The following EBF1 variants were observed in gnomAD, a reference collection of about 807,000 sequenced individuals.
EBF1 encodes the protein EBF transcription factor 1.
Under a neutral mutation model 68.4 loss-of-function variants are expected in EBF1, and 10 were observed. That is an observed-to-expected ratio of 0.15 (90% CI 0.09 to 0.25). The LOEUF (loss-of-function observed/expected upper bound fraction) is 0.25, where lower values mean the gene tolerates loss of function less well. EBF1 is among the 10% of genes least tolerant of loss of function. The pLI, the probability that EBF1 is intolerant of heterozygous loss-of-function variation, is 1.00. For missense variants in EBF1, 509 were observed against 794.4 expected, an observed-to-expected ratio of 0.64 and a Z score of 4.32; for synonymous variants, 298 against 299.8, an observed-to-expected ratio of 0.99 and a Z score of 0.06.
intron 14 of EBF1, among the ~76,000 whole-genome samples, chr5:158,708,442 G>A (rs1283947105): frequency 1.3e-5 from 2 of 152,180 alleles, no homozygotes; most frequent in Admixed American, 6.5e-5. Context: ...GTCATCAGCA[G>A]CAATTGTCAT....
chr5:159,004,516 C>G (rs1763174519), intron 6 of EBF1, among the ~76,000 whole-genome samples: 1 of 144,838 alleles, frequency 6.9e-6, no homozygotes, highest in South Asian at 2.5e-4. Context: ...AGTAGCAAAC[C>G]AAAAAGACAG....
chr5:158,954,098 T>C (rs1422789173), intron 6 of EBF1, among the ~76,000 whole-genome samples: 3 of 152,230 alleles, frequency 2.0e-5, no homozygotes, highest in Admixed American at 1.3e-4. Context: ...ATGCAAATAG[T>C]TAAACTTTTC....
chr5:158,743,018 T>C (rs1220514233), intron 10 of EBF1, among the ~76,000 whole-genome samples: 1 of 151,968 alleles, frequency 6.6e-6, no homozygotes, highest in East Asian at 1.9e-4. Flanking sequence ...GCCCTGTGAG[T>C]CCCCAGCTGG....
chr5:158,790,922 G>A (rs1159374223), intron 9 of EBF1, among the ~76,000 whole-genome samples: 1 of 152,166 alleles, frequency 6.6e-6, no homozygotes, highest in East Asian at 1.9e-4. Context: ...TATTGCAAGT[G>A]TGCTCTGAAA....
At chr5:158,931,550 T>C (rs1345193738) in intron 6 of EBF1, among the ~76,000 whole-genome samples, 1 of 152,218 alleles carries the variant, frequency 6.6e-6, no homozygotes, top group Non-Finnish European at 1.5e-5. Context: ...ATCAGTATCA[T>C]GGAGCAAATC....
chr5:158,817,915 G>C (rs944560002), intron 8 of EBF1, among the ~76,000 whole-genome samples: 4 of 152,190 alleles, frequency 2.6e-5, no homozygotes, highest in Non-Finnish European at 5.9e-5. Context: ...TTATCCCTTG[G>C]CTGGAGATCC....
intron 10 of EBF1, among the ~76,000 whole-genome samples, chr5:158,755,560 C>T (rs1376881946): frequency 2.0e-5 from 3 of 152,112 alleles, no homozygotes; most frequent in Admixed American, 2.0e-4. Context: ...TTAGGAAGTT[C>T]ATTTTATTTT....
At chr5:158,941,948 A>G (rs1813516433) in intron 6 of EBF1, among the ~76,000 whole-genome samples, 2 of 152,354 alleles carry the variant, frequency 1.3e-5, no homozygotes, top group South Asian at 4.1e-4. Context: ...AGTTGTGAAT[A>G]GTTTCCCAGC....
intron 6 of EBF1, among the ~76,000 whole-genome samples, chr5:158,852,039 G>GGAGGGGAGGA (rs1554163307): frequency 1.3e-4 from 3 of 22,484 alleles, no homozygotes; most frequent in African/African-American, 4.8e-4. Context: ...GAAAGGGTGG[G>GGAGGGGAGGA]GAGGGGAGGA....
intron 6 of EBF1, among the ~76,000 whole-genome samples, chr5:159,014,698 C>A (rs1434806153): frequency 2.0e-5 from 3 of 152,164 alleles, no homozygotes; most frequent in African/African-American, 7.2e-5. Flanking sequence ...ATTTCTCAAA[C>A]TTCCTTAAAG....
At chr5:158,837,442 C>G (rs2127952291) in intron 7 of EBF1, among the ~76,000 whole-genome samples, 1 of 152,278 alleles carries the variant, frequency 6.6e-6, no homozygotes, top group Middle Eastern at 3.4e-3. Flanking sequence ...ATATTGCTTT[C>G]TTTCATATGT....
At chr5:159,030,642 A>T (rs1463895227) in intron 6 of EBF1, among the ~76,000 whole-genome samples, 2 of 152,220 alleles carry the variant, frequency 1.3e-5, no homozygotes, top group African/African-American at 4.8e-5. Context: ...ATTGGCGATG[A>T]GCAAGTACTG....
At chr5:158,967,087 A>G (rs894906472) in intron 6 of EBF1, among the ~76,000 whole-genome samples, 17 of 150,848 alleles carry the variant, frequency 1.1e-4, no homozygotes, top group African/African-American at 4.2e-4. Context: ...AGGAAATAAG[A>G]GATTTGGGGG....
intron 9 of EBF1, among the ~76,000 whole-genome samples, chr5:158,778,388 A>G (rs542887876): frequency 7.2e-4 from 110 of 152,144 alleles, no homozygotes; most frequent in Admixed American, 1.3e-3. Flanking sequence ...TGGATTCTAC[A>G]TGTTCTCTTT....
intron 6 of EBF1, among the ~76,000 whole-genome samples, chr5:158,883,144 G>A (rs995499465): frequency 6.6e-6 from 1 of 151,994 alleles, no homozygotes; most frequent in Non-Finnish European, 1.5e-5. Flanking sequence ...TGTCACCAGA[G>A]AGAGGTACAT....
intron 6 of EBF1, among the ~76,000 whole-genome samples, chr5:159,051,023 G>C (rs950029775): frequency 1.3e-5 from 2 of 152,036 alleles, no homozygotes; most frequent in African/African-American, 4.8e-5. Flanking sequence ...GCAATTATAC[G>C]AATGTTAGGA....
At chr5:158,904,168 C>CA (rs1277199745) in intron 6 of EBF1, among the ~76,000 whole-genome samples, 1 of 152,166 alleles carries the variant, frequency 6.6e-6, no homozygotes, top group African/African-American at 2.4e-5. Context: ...AATCTGAGTT[C>CA]AAATTCTGCC....
chr5:158,736,895 G>A (rs1338896486), intron 10 of EBF1, among the ~76,000 whole-genome samples: 1 of 152,158 alleles, frequency 6.6e-6, no homozygotes, highest in Non-Finnish European at 1.5e-5. Flanking sequence ...CCTGAACAAG[G>A]CCAGAAATAT....
intron 9 of EBF1, among the ~76,000 whole-genome samples, chr5:158,784,363 C>T (rs1247769354): frequency 1.3e-5 from 2 of 152,156 alleles, no homozygotes; most frequent in African/African-American, 4.8e-5. Flanking sequence ...ATGTACTTTG[C>T]ATCTGACCTC....
Sources: allele counts gnomAD v4.1 joint callset (sites outside exome capture counted in the v4.1 genomes callset), GRCh38; gene constraint gnomAD v4.1.1; transcripts MANE v1.5; gene names NCBI Gene and HGNC (gene_info 2026-07-23, HGNC 2026-07-21).